Variants in SMYD3 observed in about 807,000 individuals in gnomAD.
SMYD3 encodes the protein SET and MYND domain containing 3.
Under a neutral mutation model 57.7 loss-of-function variants are expected in SMYD3, and 36 were observed. That is an observed-to-expected ratio of 0.62 (90% CI 0.48 to 0.82). The LOEUF (loss-of-function observed/expected upper bound fraction) is 0.82. Among genes scored for constraint, SMYD3 ranks in the 40% least tolerant of loss-of-function variants. The pLI is 0.00. For missense variants in SMYD3, 515 were observed against 538.8 expected, an observed-to-expected ratio of 0.96 and a Z score of 0.44; for synonymous variants, 211 against 195.0, an observed-to-expected ratio of 1.08 and a Z score of -0.68.
At chr1:246,090,375 AAAT>A (rs947477668) in intron 5 of SMYD3, among the ~76,000 whole-genome samples, 5 of 152,112 alleles carry the variant, frequency 3.3e-5, no homozygotes, top group Middle Eastern at 3.2e-3. Flanking sequence ...GTTGGTCATT[AAAT>A]GGGCATGGAA....
chr1:246,364,130 G>A (rs2066057065), intron 1 of SMYD3, among the ~76,000 whole-genome samples: 1 of 151,172 alleles, frequency 6.6e-6, no homozygotes, highest in African/African-American at 2.4e-5. Flanking sequence ...GCTTCCCAGA[G>A]GAAGCCAACA....
intron 5 of SMYD3, among the ~76,000 whole-genome samples, chr1:246,038,558 C>A (rs879517359): frequency 4.4e-4 from 67 of 152,186 alleles, no homozygotes; most frequent in Non-Finnish European, 6.8e-4. Context: ...CGTTAAAAAA[C>A]ACTTCTCGAC....
intron 5 of SMYD3, among the ~76,000 whole-genome samples, chr1:246,223,209 G>A (rs1338791200): frequency 6.6e-6 from 1 of 152,150 alleles, no homozygotes; most frequent in Non-Finnish European, 1.5e-5. Context: ...TCATAAGGAA[G>A]CCGTGGGGCC....
intron 1 of SMYD3, among the ~76,000 whole-genome samples, chr1:246,386,247 G>T (rs890048816): frequency 3.3e-5 from 5 of 152,162 alleles, no homozygotes; most frequent in Non-Finnish European, 7.3e-5. Context: ...CCACCAGTTA[G>T]GTTTATCGGC....
intron 1 of SMYD3, among the ~76,000 whole-genome samples, chr1:246,409,938 A>G (rs1264363947): frequency 6.6e-6 from 1 of 152,158 alleles, no homozygotes; most frequent in African/African-American, 2.4e-5. Flanking sequence ...CTTTGAAGCA[A>G]TTGTGAATGG....
chr1:245,760,525 A>G (rs2045801695), intron 11 of SMYD3, among the ~76,000 whole-genome samples: 1 of 152,152 alleles, frequency 6.6e-6, no homozygotes, highest in Non-Finnish European at 1.5e-5. Context: ...TCATGAGAAG[A>G]TCTGGTCCAT....
chr1:245,782,991 G>C (rs142170883), intron 10 of SMYD3, among the ~76,000 whole-genome samples: 8 of 152,326 alleles, frequency 5.3e-5, no homozygotes, highest in East Asian at 1.9e-4. Flanking sequence ...CTGCACAACT[G>C]TCTGTGCACC....
intron 5 of SMYD3, among the ~76,000 whole-genome samples, chr1:246,220,028 G>A (rs1191010849): frequency 6.6e-6 from 1 of 152,158 alleles, no homozygotes; most frequent in Non-Finnish European, 1.5e-5. Flanking sequence ...GAGGGTGTCA[G>A]GGAAATATAC....
At chr1:246,046,813 A>C (rs1386448874) in intron 5 of SMYD3, among the ~76,000 whole-genome samples, 1 of 151,626 alleles carries the variant, frequency 6.6e-6, no homozygotes, top group Non-Finnish European at 1.5e-5. Context: ...TTAGATACAA[A>C]GATGTAAGAC....
At chr1:246,138,102 A>G (rs2061690996) in intron 5 of SMYD3, among the ~76,000 whole-genome samples, 1 of 152,170 alleles carries the variant, frequency 6.6e-6, no homozygotes, top group African/African-American at 2.4e-5. Context: ...ATAAAAATAT[A>G]GTATGTATGT....
At chr1:246,502,623 T>C (rs560567068) in intron 1 of SMYD3, among the ~76,000 whole-genome samples, 11 of 152,184 alleles carry the variant, frequency 7.2e-5, no homozygotes, top group Non-Finnish European at 1.3e-4. Flanking sequence ...CTGGTTTAAA[T>C]GGCTGCTTTC....
chr1:246,146,820 GAAGA>G (rs1046182069), intron 5 of SMYD3, among the ~76,000 whole-genome samples: 3 of 152,160 alleles, frequency 2.0e-5, no homozygotes, highest in African/African-American at 4.8e-5. Context: ...TGGCAGAAGA[GAAGA>G]AAGAAAGCAG....
At chr1:246,126,546 T>C (rs72772566) in intron 5 of SMYD3, among the ~76,000 whole-genome samples, 5,161 of 152,346 alleles carry the variant, frequency 0.034, 117 homozygotes, top group Middle Eastern at 0.12. Flanking sequence ...GAGTTGTTCA[T>C]CATTGTGAAA....
intron 10 of SMYD3, among the ~76,000 whole-genome samples, chr1:245,804,778 A>G (rs961706914): frequency 4.6e-5 from 7 of 152,284 alleles, no homozygotes; most frequent in Admixed American, 1.3e-4. Flanking sequence ...GCAACAAGGA[A>G]CCATCTTGAA....
intron 8 of SMYD3, among the ~76,000 whole-genome samples, chr1:245,875,674 G>A (rs573701052): frequency 3.3e-4 from 50 of 152,266 alleles, no homozygotes; most frequent in East Asian, 9.6e-4. Context: ...GGAATGCTAC[G>A]ATGCCAGTCA....
chr1:246,452,803 T>G, intron 1 of SMYD3, among the ~76,000 whole-genome samples: 1 of 152,188 alleles, frequency 6.6e-6, no homozygotes, highest in East Asian at 1.9e-4. Context: ...TTCCTTAACA[T>G]AATGGAAAAA....
intron 10 of SMYD3, among the ~76,000 whole-genome samples, 188 bp downstream of exon 10, chr1:245,858,308 T>C (rs1572527369): frequency 6.6e-6 from 1 of 152,212 alleles, no homozygotes; most frequent in Non-Finnish European, 1.5e-5. Context: ...ACTTTACAAA[T>C]GATGAATGAA....
intron 1 of SMYD3, among the ~76,000 whole-genome samples, chr1:246,495,675 T>C (rs2068349670): frequency 6.6e-6 from 1 of 152,138 alleles, no homozygotes; most frequent in Admixed American, 6.5e-5. Flanking sequence ...TGCGAGTGAC[T>C]CACACCTGTA....
intron 10 of SMYD3, among the ~76,000 whole-genome samples, chr1:245,811,495 T>C (rs2048469361): frequency 6.6e-6 from 1 of 152,224 alleles, no homozygotes; most frequent in Admixed American, 6.5e-5. Context: ...TTAACATTAT[T>C]TTTTTAAAGG....
Sources: gnomAD v4.1 joint callset for allele counts (sites outside exome capture counted in the v4.1 genomes callset) on GRCh38, gnomAD v4.1.1 for gene constraint, MANE v1.5 for transcripts, NCBI Gene and HGNC (gene_info 2026-07-23, HGNC 2026-07-21) for gene names.